The following DHX32 variants were observed in gnomAD, a reference collection of about 807,000 sequenced individuals.
DHX32 encodes the protein DEAH-box helicase 32 (putative), also known as putative pre-mRNA-splicing factor ATP-dependent RNA helicase DHX32.
Under a neutral mutation model 70.0 loss-of-function variants are expected in DHX32, and 51 were observed. The observed-to-expected ratio is 0.73, with a 90% CI of 0.58 to 0.92. The LOEUF is 0.92. Ranked by LOEUF, DHX32 falls within the 40% of genes least tolerant of loss-of-function variation. DHX32 has a pLI of 0.00. For synonymous variants in DHX32, 310 were observed against 315.3 expected, an observed-to-expected ratio of 0.98 and a Z score of 0.18; for missense variants, 762 against 891.8, an observed-to-expected ratio of 0.85 and a Z score of 1.85.
At chr10:125,851,363 T>G (rs747998099) in intron 6 of DHX32, among the ~76,000 whole-genome samples, 2 of 152,176 alleles carry the variant, frequency 1.3e-5, no homozygotes, top group Non-Finnish European at 2.9e-5. Flanking sequence ...TTAAGCCTCA[T>G]GGAATGAGCA....
rs765502604 is a variant in DHX32 at position 125,854,219 on chromosome 10, C to A, written c.850-16G>T. ...TCTCAATATCCTAAAGAAAAAAAAA[C>A]CCATGAAAATAAAATACAATGCAAA... On this transcript the variant is annotated splice_polypyrimidine_tract_variant and intron_variant, in intron 3 of 10. Coordinates refer to ENST00000284690, the MANE Select transcript of DHX32 (RefSeq NM_018180.3). 107 of 1,560,810 alleles carry A rather than the reference C, an allele frequency of 6.9e-5. No individual in the cohort carries two copies. The highest frequency in any genetic ancestry group is 8.6e-5 in the Non-Finnish European group (100 of 1,162,008).
intron 3 of DHX32, among the ~76,000 whole-genome samples, chr10:125,857,460 G>T (rs1235916199): frequency 6.6e-6 from 1 of 152,150 alleles, no homozygotes; most frequent in Non-Finnish European, 1.5e-5. Context: ...GCTCCGCCTG[G>T]GTCACAGAGG....
Position 125,879,210 on chromosome 10 carries a change from G to C in DHX32, c.282+1333C>G, listed in dbSNP as rs149519124. Among the ~76,000 whole-genome samples the C allele has an allele frequency of 1.4e-3, 206 of 151,606 alleles. 3 individuals are homozygous for C. The highest frequency in any genetic ancestry group is 4.2e-3 in the African/African-American group (175 of 41,290). On this transcript the variant is annotated intron_variant, in intron 1 of 10. Coordinates refer to ENST00000284690, the MANE Select transcript of DHX32 (RefSeq NM_018180.3). ...AGCTAATTTTTTAATTTTTTATAAAGTTGGGATCTTGCCATGTTGCCCAGC... is the reference window on the plus strand; with the variant it reads ...AGCTAATTTTTTAATTTTTTATAAACTTGGGATCTTGCCATGTTGCCCAGC...
intron 6 of DHX32, among the ~76,000 whole-genome samples, chr10:125,847,911 C>T (rs964682158): frequency 2.6e-5 from 4 of 152,154 alleles, no homozygotes; most frequent in African/African-American, 9.7e-5. Flanking sequence ...GGAGGTGGAG[C>T]TCAGGCAGTA....
Position 125,841,905 on chromosome 10 carries a change from C to A in DHX32, c.1381G>T (p.Asp461Tyr). 6.2e-7 allele frequency: 1 copy of A among 1,600,964 alleles called. No individual in the cohort carries two copies. Among genetic ancestry groups the A allele is most frequent in the Non-Finnish European group, 8.5e-7 (1 of 1,176,554 alleles). Residue 461 changes from aspartate (D) to tyrosine (Y), a missense_variant, in exon 7 of 11, where the codon GAC (aspartate) becomes TAC (tyrosine). By Grantham distance (160) the Asp-to-Tyr change is radical (BLOSUM62 -3). Transcript: ENST00000284690. Reference protein sequence around the residue: ...APESLMQALEDLDYLAALDND... With the variant: ...APESLMQALEYLDYLAALDND... Reference sequence around the variant, plus strand: ...TCCAGTGCTGCCAGATAATCTAAGTCTTCCAATGCCTGCATCAAACTTTCT... The same window carrying A: ...TCCAGTGCTGCCAGATAATCTAAGTATTCCAATGCCTGCATCAAACTTTCT...
intron 4 of DHX32, 114 bp from the exon 5 acceptor site, chr10:125,852,756 A>G: frequency 1.1e-6 from 1 of 914,180 alleles, no homozygotes; most frequent in Non-Finnish European, 1.6e-6. Context: ...GCACTGCCAC[A>G]GACTCATTTT....
At chr10:125,890,744 T>C (rs1170581601) in intron 1 of DHX32, 5 of 152,240 alleles carry the variant, frequency 3.3e-5, no homozygotes, top group Non-Finnish European at 7.3e-5. Flanking sequence ...AATCAAATTT[T>C]TTAAAAAGAA....
chr10:125,881,761 C>T (rs1247525441), upstream of DHX32, among the ~76,000 whole-genome samples: 2 of 152,162 alleles, frequency 1.3e-5, no homozygotes, highest in Non-Finnish European at 2.9e-5. Context: ...CCTGCCTCAG[C>T]CTCCTGAGTA....
intron 3 of DHX32, among the ~76,000 whole-genome samples, chr10:125,855,108 G>C (rs557661576): frequency 1.3e-5 from 2 of 151,690 alleles, no homozygotes; most frequent in South Asian, 4.2e-4. Context: ...TGTAGTCCCA[G>C]CTACTCACAA....
rs531500447 is a variant in DHX32, at chr10:125,838,488, T to C, written c.1882-101A>G. ...AAATACCAAAGTATTTTATACGGGATAGTTAAAACTAACGTTTGCCACTCA... is the reference window on the plus strand; with the variant it reads ...AAATACCAAAGTATTTTATACGGGACAGTTAAAACTAACGTTTGCCACTCA... On this transcript the variant is annotated intron_variant, in intron 9 of 10. Transcript: ENST00000284690. 29 of 1,100,542 alleles carry C rather than the reference T, an allele frequency of 2.6e-5. No individual in the cohort carries two copies. The African/African-American group carries it at 3.7e-4, about 14-fold the overall frequency. 68.2% of individuals were successfully genotyped at this position (1,100,542 alleles called of 1,614,324 possible).
At chr10:125,843,949 C>G (rs1392532721) in intron 6 of DHX32, among the ~76,000 whole-genome samples, 1 of 152,146 alleles carries the variant, frequency 6.6e-6, no homozygotes, top group African/African-American at 2.4e-5. Context: ...GTTGAATTTC[C>G]CTATTCTGAA....
In DHX32 at chr10:125,866,044, A is replaced by G. The variant is rs1418279563; in HGVS notation, c.476+946T>C. Among the ~76,000 whole-genome samples, 1 of 152,170 alleles carries G rather than the reference A, an allele frequency of 6.6e-6. No homozygotes were observed. The highest frequency in any genetic ancestry group is 1.9e-4 in the East Asian group (1 of 5,186). ...GCGTGGCACACTGTATGCCACACAA[A>G]TGGGTTAGAGAGGTGCAGAAATACT... is the stretch of plus-strand genomic sequence containing the variant. On this transcript the variant is annotated intron_variant, in intron 2 of 10. Transcript: ENST00000284690. This position sits in a 1 kb window ranked among gnomAD's most constrained non-coding sequence, Gnocchi z 4.8.
At chr10:125,860,864 T>TCCG (rs770194121) in intron 2 of DHX32, among the ~76,000 whole-genome samples, 1 of 148,172 alleles carries the variant, frequency 6.7e-6, no homozygotes, top group African/African-American at 2.5e-5. Context: ...CACGCCATTC[T>TCCG]GCCTCAGCCT....
chr10:125,852,683 A>G (rs776227847), intron 4 of DHX32, 41 bp from the exon 5 acceptor site: 152 of 1,546,936 alleles, frequency 9.8e-5, no homozygotes, highest in Non-Finnish European at 1.3e-4. Context: ...CAGATAAGTC[A>G]TGATTCAGTA....
At chr10:125,864,088 G>C (rs1461284825) in intron 2 of DHX32, among the ~76,000 whole-genome samples, 1 of 152,174 alleles carries the variant, frequency 6.6e-6, no homozygotes, top group Non-Finnish European at 1.5e-5. Context: ...CCAGAGCATG[G>C]AATACCAGGA....
At chr10:125,850,431 C>T (rs1391418309) in intron 6 of DHX32, among the ~76,000 whole-genome samples, 1 of 141,138 alleles carries the variant, frequency 7.1e-6, no homozygotes, top group Non-Finnish European at 1.5e-5. Flanking sequence ...AATCTTGGTT[C>T]ACCGCAACCT....
intron 1 of DHX32, among the ~76,000 whole-genome samples, chr10:125,873,919 T>C (rs2134067685): frequency 6.6e-6 from 1 of 152,318 alleles, no homozygotes; most frequent in Non-Finnish European, 1.5e-5. Flanking sequence ...AGAATCTAAG[T>C]TAATTCTTTT....
At chr10:125,886,760 GA>G (rs1299753065) in intron 1 of DHX32, among the ~76,000 whole-genome samples, 2 of 152,284 alleles carry the variant, frequency 1.3e-5, no homozygotes, top group Admixed American at 1.3e-4. Flanking sequence ...GATCAATTCA[GA>G]AGAGTTATCA....
At chr10:125,857,143 T>C (rs778266081) in intron 3 of DHX32, among the ~76,000 whole-genome samples, 8 of 152,306 alleles carry the variant, frequency 5.3e-5, no homozygotes, top group Non-Finnish European at 8.8e-5. Context: ...AAGACAAATC[T>C]TTCCAAGACA....
Sources: gnomAD v4.1 joint callset for allele counts (sites outside exome capture counted in the v4.1 genomes callset) on GRCh38, gnomAD v4.1.1 for gene constraint, Gnocchi (gnomAD v3.1) non-coding constraint, MANE v1.5 for transcripts, NCBI Gene and HGNC (gene_info 2026-07-23, HGNC 2026-07-21) for gene names.